The following HECW2 variants were observed in gnomAD, a reference collection of about 807,000 sequenced individuals.
The protein encoded by HECW2 is HECT, C2 and WW domain containing E3 ubiquitin protein ligase 2, also known as E3 ubiquitin-protein ligase HECW2.
A neutral mutation model predicts 175.2 loss-of-function variants in HECW2; 61 were observed. The observed-to-expected ratio is 0.35, with a 90% CI of 0.28 to 0.43. HECW2 has a LOEUF of 0.43. Ranked by LOEUF, HECW2 falls within the 20% of genes least tolerant of loss-of-function variation. The pLI is 1.00. For synonymous variants in HECW2, 671 were observed against 731.0 expected, an observed-to-expected ratio of 0.92 and a Z score of 1.32; for missense variants, 1,524 against 2,000.5, an observed-to-expected ratio of 0.76 and a Z score of 4.54.
intron 1 of HECW2, among the ~76,000 whole-genome samples, chr2:196,540,107 G>A (rs1166415927): frequency 6.6e-6 from 1 of 152,166 alleles, no homozygotes; most frequent in African/African-American, 2.4e-5. Flanking sequence ...GTCAACTTGA[G>A]TTGTACTATA....
intron 1 of HECW2, among the ~76,000 whole-genome samples, chr2:196,488,143 A>C (rs937363649): frequency 2.0e-5 from 3 of 152,230 alleles, no homozygotes; most frequent in African/African-American, 4.8e-5. Context: ...ATCTACAAGC[A>C]TAGAAGTCAG....
intron 13 of HECW2, among the ~76,000 whole-genome samples, chr2:196,298,460 T>G (rs1012784939): frequency 6.6e-6 from 1 of 152,250 alleles, no homozygotes; most frequent in Admixed American, 6.5e-5. Context: ...TACTAGGTAT[T>G]ACAACTACAC....
chr2:196,500,067 C>A (rs1359316966), intron 1 of HECW2, among the ~76,000 whole-genome samples: 1 of 152,008 alleles, frequency 6.6e-6, no homozygotes, highest in African/African-American at 2.4e-5. Context: ...TATCAAGCAT[C>A]CCCAAAAATG....
intron 1 of HECW2, among the ~76,000 whole-genome samples, chr2:196,473,944 G>A (rs1697317737): frequency 6.6e-6 from 1 of 152,174 alleles, no homozygotes; most frequent in Non-Finnish European, 1.5e-5. Context: ...GAGAGTGTGG[G>A]CTTTTGCCTG....
intron 3 of HECW2, among the ~76,000 whole-genome samples, chr2:196,338,715 T>C (rs1422670419): frequency 6.6e-6 from 1 of 152,230 alleles, no homozygotes; most frequent in East Asian, 1.9e-4. Flanking sequence ...AGCATAAAGA[T>C]GGATGGAATA....
At chr2:196,540,730 C>A (rs1689181399) in intron 1 of HECW2, among the ~76,000 whole-genome samples, 1 of 152,160 alleles carries the variant, frequency 6.6e-6, no homozygotes, top group Admixed American at 6.5e-5. Context: ...AGCCACTGCA[C>A]CTGGTCAGGA....
intron 1 of HECW2, among the ~76,000 whole-genome samples, chr2:196,566,574 C>A (rs13428513): frequency 0.05 from 7,465 of 150,484 alleles, 611 homozygotes; most frequent in African/African-American, 0.17. Context: ...TCTTGCTGCC[C>A]AGGCTGGAGT....
At chr2:196,591,284 T>C (rs1211869891) in intron 1 of HECW2, among the ~76,000 whole-genome samples, 2 of 152,120 alleles carry the variant, frequency 1.3e-5, no homozygotes, top group Admixed American at 6.6e-5. Flanking sequence ...GGAAATCACC[T>C]GTCACGGAGA....
At chr2:196,335,140 C>T (rs990744500) in intron 3 of HECW2, among the ~76,000 whole-genome samples, 5 of 152,194 alleles carry the variant, frequency 3.3e-5, no homozygotes, top group Admixed American at 2.6e-4. Flanking sequence ...TTTAAATACA[C>T]CCAGTAGACA....
intron 2 of HECW2, among the ~76,000 whole-genome samples, chr2:196,415,091 C>T (rs188325645): frequency 4.3e-4 from 66 of 152,308 alleles, no homozygotes; most frequent in Non-Finnish European, 6.3e-4. Context: ...CAGAATCATT[C>T]TCATGACCCT....
chr2:196,380,668 T>G (rs1259546089), intron 2 of HECW2, among the ~76,000 whole-genome samples: 1 of 152,184 alleles, frequency 6.6e-6, no homozygotes, highest in African/African-American at 2.4e-5. Context: ...TAGTGACAAT[T>G]CTCTAACAGG....
intron 1 of HECW2, among the ~76,000 whole-genome samples, chr2:196,452,042 A>G (rs1250560544): frequency 6.6e-6 from 1 of 152,186 alleles, no homozygotes; most frequent in Non-Finnish European, 1.5e-5. Flanking sequence ...ATGTCATCTC[A>G]TTGGCCTAAC....
intron 2 of HECW2, among the ~76,000 whole-genome samples, chr2:196,356,938 C>T (rs1693391588): frequency 6.6e-6 from 1 of 152,200 alleles, no homozygotes; most frequent in African/African-American, 2.4e-5. Flanking sequence ...GGTGGAATTA[C>T]TGTATGCACA....
intron 28 of HECW2, among the ~76,000 whole-genome samples, chr2:196,206,402 A>G (rs1462174363): frequency 6.6e-6 from 1 of 152,130 alleles, no homozygotes; most frequent in Non-Finnish European, 1.5e-5. Context: ...TCACATGCTT[A>G]CCCTCCCTTT....
chr2:196,527,741 A>G (rs1324582400), intron 1 of HECW2, among the ~76,000 whole-genome samples: 1 of 152,244 alleles, frequency 6.6e-6, no homozygotes, highest in Non-Finnish European at 1.5e-5. Flanking sequence ...TTCAGACTTA[A>G]CAGCAGCACG....
chr2:196,395,884 C>T (rs1694648008), intron 2 of HECW2, among the ~76,000 whole-genome samples: 1 of 152,056 alleles, frequency 6.6e-6, no homozygotes, highest in Non-Finnish European at 1.5e-5. Flanking sequence ...TCTGGGTATA[C>T]ACGTAAAGGG....
intron 1 of HECW2, among the ~76,000 whole-genome samples, chr2:196,537,653 T>C (rs1689065320): frequency 6.6e-6 from 1 of 152,132 alleles, no homozygotes; most frequent in Non-Finnish European, 1.5e-5. Context: ...CTTGCTGGGC[T>C]GCATTCTCAG....
intron 1 of HECW2, among the ~76,000 whole-genome samples, chr2:196,528,793 G>T (rs963091174): frequency 6.6e-6 from 1 of 152,154 alleles, no homozygotes; most frequent in Non-Finnish European, 1.5e-5. Flanking sequence ...TTTTCATTCT[G>T]CAGAACTCCA....
At chr2:196,362,468 T>C (rs1236064097) in intron 2 of HECW2, among the ~76,000 whole-genome samples, 2 of 152,022 alleles carry the variant, frequency 1.3e-5, no homozygotes, top group South Asian at 4.1e-4. Flanking sequence ...GGTCACTACC[T>C]GAGAACTCCA....
Sources: allele counts gnomAD v4.1 joint callset (sites outside exome capture counted in the v4.1 genomes callset), GRCh38; gene constraint gnomAD v4.1.1; transcripts MANE v1.5; gene names NCBI Gene and HGNC (gene_info 2026-07-23, HGNC 2026-07-21).